SYNRG: variants seen among roughly 807,000 people sequenced by gnomAD.
SYNRG encodes AP1 gamma subunit binding protein 1.
In SYNRG, 37 loss-of-function variants were observed where a neutral mutation model predicts 130.9. The ratio of observed to expected loss-of-function variants is 0.28; its 90% CI spans 0.22 to 0.37. The LOEUF (loss-of-function observed/expected upper bound fraction) is 0.37, where lower values mean the gene tolerates loss of function less well. Ranked by LOEUF, SYNRG falls within the 10% of genes least tolerant of loss-of-function variation. The pLI, the probability that SYNRG is intolerant of heterozygous loss-of-function variation, is 1.00. For synonymous variants in SYNRG, 539 were observed against 568.1 expected (o/e 0.95, Z 0.73); for missense variants, 1,338 against 1,588.9 (o/e 0.84, Z 2.68).
chr17:37,567,082 A>G (rs2060052012), intron 11 of SYNRG: 1 of 152,246 alleles, frequency 6.6e-6, no homozygotes, highest in Non-Finnish European at 1.5e-5. Context: ...AACTATAACT[A>G]TAGGGAGATC....
At chr17:37,605,482 A>C (rs1212024960) in intron 1 of SYNRG, among the ~76,000 whole-genome samples, 1 of 152,332 alleles carries the variant, frequency 6.6e-6, no homozygotes, top group East Asian at 1.9e-4. Flanking sequence ...CTCAGCTAAG[A>C]CAATCACATA....
chr17:37,549,719 T>A (rs182169512), intron 14 of SYNRG, among the ~76,000 whole-genome samples: 2 of 152,202 alleles, frequency 1.3e-5, no homozygotes, highest in East Asian at 3.9e-4. Flanking sequence ...GCCTCCTGAG[T>A]AGCTGGGACT....
rs577128883 is a variant in SYNRG at position 37,559,847 on chromosome 17, T to C, written c.1663+1348A>G. On this transcript the variant is annotated intron_variant, in intron 13 of 21. Coordinates refer to ENST00000612223, the MANE Select transcript of SYNRG (RefSeq NM_007247.6). ...TTTGACAAGGGAATTTAACTTGTCA[T>C]GCAAGCTTCCCGTGAAAGGGAATGT... Among the ~76,000 whole-genome samples the C allele has an allele frequency of 1.3e-5, 2 of 152,320 alleles. 1 individual carries two copies. Among genetic ancestry groups the C allele is most frequent in the South Asian group, 4.1e-4 (2 of 4,830 alleles).
intron 14 of SYNRG, among the ~76,000 whole-genome samples, chr17:37,552,382 G>A (rs867586645): frequency 4.6e-5 from 7 of 152,242 alleles, no homozygotes; most frequent in Middle Eastern, 3.4e-3. Flanking sequence ...AATCTACACA[G>A]AATTTAAAGA....
Position 37,530,913 on chromosome 17 carries a change from G to A in SYNRG, c.3666+5066C>T, listed in dbSNP as rs1204187010. 2.0e-5 allele frequency among the ~76,000 whole-genome samples: 3 copies of A among 152,266 alleles called. No homozygotes were observed. The East Asian group carries it at 5.8e-4, about 29-fold the overall frequency. On this transcript the variant is annotated intron_variant, in intron 19 of 21. Transcript: ENST00000612223. The stretch of plus-strand genomic sequence containing the variant: ...CTGCTTCAGGAAAGGATGACGGCAG[G>A]GTAAAGATGTCAGGTTGCCATGCAG...
intron 2 of SYNRG, 49 bp from the exon 3 acceptor site, chr17:37,596,393 T>G (rs771567808): frequency 1.1e-5 from 18 of 1,602,688 alleles, no homozygotes; most frequent in Non-Finnish European, 1.5e-5. Context: ...AAAGTTTATT[T>G]TCTTAAAACC....
At chr17:37,520,482 T>TC in intron 20 of SYNRG, 56 bp downstream of exon 20, 1 of 1,531,908 alleles carries the variant, frequency 6.5e-7, no homozygotes, top group Non-Finnish European at 9.0e-7. Flanking sequence ...GATGAGGTTG[T>TC]CCAGAGTCAT....
chr17:37,579,888 C>CT (rs901644507), intron 6 of SYNRG, among the ~76,000 whole-genome samples: 278 of 147,278 alleles, frequency 1.9e-3, no homozygotes, highest in African/African-American at 5.7e-3. Flanking sequence ...TTCTTCCTTT[C>CT]TTTTTTTTTT....
At chr17:37,525,914 C>A (rs1255139999) in intron 19 of SYNRG, among the ~76,000 whole-genome samples, 1 of 152,094 alleles carries the variant, frequency 6.6e-6, no homozygotes, top group Non-Finnish European at 1.5e-5. Context: ...TGAAGTGAGC[C>A]AAGATCGCGC....
chr17:37,538,960 T>C, intron 17 of SYNRG: 1 of 824,390 alleles, frequency 1.2e-6, no homozygotes, highest in Non-Finnish European at 1.5e-6. Flanking sequence ...CTTTGTTATT[T>C]CTTAAACACA....
At chr17:37,596,131 T>C in intron 3 of SYNRG, 92 bp downstream of exon 3, 1 of 1,392,784 alleles carries the variant, frequency 7.2e-7, no homozygotes. Flanking sequence ...TTATTTCTAA[T>C]TGTAACATTA....
Position 37,517,829 on chromosome 17 carries a change from G to C in SYNRG, c.*1111C>G, listed in dbSNP as rs765274926. 6.6e-6 allele frequency: 1 copy of C among 151,946 alleles called. No homozygotes were observed. Among genetic ancestry groups the C allele is most frequent in the South Asian group, 2.1e-4 (1 of 4,814 alleles). The allele number at this position is 151,946 out of a possible 1,614,324, so 9.4% of individuals were successfully genotyped here. On this transcript the variant is annotated 3_prime_UTR_variant, in exon 22 of 22. Transcript: ENST00000612223. ...GGAATAACACAGCTCTTAGCCACTT[G>C]GGTTTTTCCCCTAATTTTATGCATT...
intron 13 of SYNRG, among the ~76,000 whole-genome samples, chr17:37,558,806 T>C (rs2059308569): frequency 6.6e-6 from 1 of 152,218 alleles, no homozygotes; most frequent in Non-Finnish European, 1.5e-5. Context: ...ATTGTTTGGT[T>C]ACTGCTTCTG....
chr17:37,573,132 G>A (rs903821313), intron 8 of SYNRG, among the ~76,000 whole-genome samples: 1 of 152,126 alleles, frequency 6.6e-6, no homozygotes, highest in African/African-American at 2.4e-5. Context: ...GGCCAGATGT[G>A]GTGGCTCATG....
rs893724577 is a variant in SYNRG at position 37,589,061 on chromosome 17, A to C, written c.241-2512T>G. On this transcript the variant is annotated intron_variant, in intron 3 of 21. Transcript: ENST00000612223. ...ATATACTGAATGGATGACATAACAA[A>C]AGAAAGAACTCAGAAATCTGAGATA... 2.6e-5 allele frequency among the ~76,000 whole-genome samples: 4 copies of C among 152,214 alleles called. No homozygotes were observed. The East Asian group carries it at 7.7e-4, about 29-fold the overall frequency.
rs1284089900 is a variant in SYNRG at position 37,596,352 on chromosome 17, T to C, written c.119-8A>G. On this transcript the variant is annotated splice_region_variant and splice_polypyrimidine_tract_variant and intron_variant, in intron 2 of 21. Coordinates refer to ENST00000612223, the MANE Select transcript of SYNRG (RefSeq NM_007247.6). ...GCATCGGCATCAGGCCTGCTGAAAA[T>C]ATAAAGACATTATTAAAGTCAATGT... The C allele has an allele frequency of 6.2e-7, 1 of 1,613,318 alleles. No homozygotes were observed.
In SYNRG at chr17:37,571,947, A is replaced by G. The variant is rs749568871; in HGVS notation, c.942T>C (p.Thr314=). Residue 314 remains threonine, a synonymous_variant, in exon 9 of 22, where the codon ACT becomes ACC. Transcript: ENST00000612223. ...KKILETTMTP[T]GIDTAKLYPI... is the part of the protein sequence containing the mutation. The stretch of plus-strand genomic sequence containing the variant: ...GATACAGTTTGGCAGTATCTATTCC[A>G]GTTGGAGTCATTGTGGTTTCTAAGA... The G allele has an allele frequency of 2.2e-5, 35 of 1,613,336 alleles. No homozygotes were observed. The highest frequency in any genetic ancestry group is 2.2e-5 in the East Asian group (1 of 44,886).
intron 11 of SYNRG, among the ~76,000 whole-genome samples, chr17:37,565,801 C>T (rs530212428): frequency 1.1e-3 from 159 of 148,990 alleles, no homozygotes; most frequent in African/African-American, 2.8e-3. Flanking sequence ...GGAGCCCCTC[C>T]GCCCGGCAGC....
At position 37,516,921 on chromosome 17, in the gene SYNRG, T is replaced by C. The variant is rs1252982925; in HGVS notation, c.*2019A>G. 1 of 152,170 alleles carries C rather than the reference T, an allele frequency of 6.6e-6. No individual in the cohort carries two copies. The highest frequency in any genetic ancestry group is 1.5e-5 in the Non-Finnish European group (1 of 68,076). The allele number at this position is 152,170 out of a possible 1,614,324, so 9.4% of individuals were successfully genotyped here. A position where few individuals can be genotyped will look rare whatever the true frequency, so the allele number is the denominator to read the frequency against. The stretch of plus-strand genomic sequence containing the variant: ...GCAAAGGTAGATTCTGCTGTCATGG[T>C]TCTGTTATGAAATTTAGGCCAGGCG... On this transcript the variant is annotated 3_prime_UTR_variant, in exon 22 of 22. Coordinates refer to ENST00000612223, the MANE Select transcript of SYNRG (RefSeq NM_007247.6).
Sources: allele counts gnomAD v4.1 joint callset (sites outside exome capture counted in the v4.1 genomes callset), GRCh38; gene constraint gnomAD v4.1.1; transcripts MANE v1.5; gene names NCBI Gene and HGNC (gene_info 2026-07-23, HGNC 2026-07-21).